IL1RAPL1: variants seen among roughly 807,000 people sequenced by gnomAD.
IL1RAPL1 encodes the protein interleukin 1 receptor accessory protein like 1.
In IL1RAPL1, 3 loss-of-function variants were observed where a neutral mutation model predicts 48.4. The observed-to-expected ratio is 0.06, with a 90% confidence interval of 0.03 to 0.16. The LOEUF (loss-of-function observed/expected upper bound fraction) is 0.16. IL1RAPL1 is among the 10% of genes least tolerant of loss of function. The pLI is 1.00. For missense variants in IL1RAPL1, 349 were observed against 530.6 expected, an observed-to-expected ratio of 0.66 and a Z score of 3.36; for synonymous variants, 185 against 187.7, an observed-to-expected ratio of 0.99 and a Z score of 0.12.
chrX:28,831,270 A>G (rs1466409551), intron 2 of IL1RAPL1, among the ~76,000 whole-genome samples: 1 of 98,309 alleles, frequency 1.0e-5, no homozygotes, highest in Non-Finnish European at 2.0e-5. Context: ...TCCTATGACC[A>G]TCTCATTTTA....
chrX:28,957,507 A>G (rs1429216916), intron 2 of IL1RAPL1, among the ~76,000 whole-genome samples: 2 of 111,701 alleles, frequency 1.8e-5, no homozygotes, highest in Admixed American at 9.5e-5. Flanking sequence ...TTATTTGCAC[A>G]TATTTTACCT....
At chrX:28,943,887 C>T (rs761188793) in intron 2 of IL1RAPL1, among the ~76,000 whole-genome samples, 1 of 110,300 alleles carries the variant, frequency 9.1e-6, no homozygotes, top group African/African-American at 3.3e-5. Context: ...GAGTTTGATT[C>T]GACATTCACC....
intron 2 of IL1RAPL1, among the ~76,000 whole-genome samples, chrX:29,165,918 C>T (rs1929778479): frequency 8.9e-6 from 1 of 112,179 alleles, no homozygotes; most frequent in African/African-American, 3.2e-5. Context: ...TTGATACCCT[C>T]TCAGTTTATT....
chrX:29,906,267 G>A (rs1249090791), intron 6 of IL1RAPL1, among the ~76,000 whole-genome samples: 4 of 102,731 alleles, frequency 3.9e-5, no homozygotes, highest in Admixed American at 1.1e-4. Context: ...CCCGGGAGGC[G>A]GAGCTTGCAG....
chrX:29,273,212 C>A (rs778972233), intron 2 of IL1RAPL1, among the ~76,000 whole-genome samples: 1 of 112,278 alleles, frequency 8.9e-6, no homozygotes, highest in African/African-American at 3.2e-5. Flanking sequence ...AACAGTCTGG[C>A]TCTTTCAGTT....
intron 2 of IL1RAPL1, among the ~76,000 whole-genome samples, chrX:29,090,135 C>G (rs1457644751): frequency 1.8e-5 from 2 of 110,152 alleles, no homozygotes; most frequent in Non-Finnish European, 3.8e-5. Flanking sequence ...TGTTTCTTCC[C>G]TACACCTATG....
intron 1 of IL1RAPL1, among the ~76,000 whole-genome samples, chrX:28,590,671 A>G (rs73205756): frequency 2.7e-5 from 3 of 111,834 alleles, no homozygotes; most frequent in Non-Finnish European, 5.6e-5. Flanking sequence ...AACTATGTGC[A>G]CAAATATAGT....
chrX:28,816,468 G>C (rs1263576109), intron 2 of IL1RAPL1, among the ~76,000 whole-genome samples: 1 of 110,356 alleles, frequency 9.1e-6, no homozygotes, highest in Admixed American at 9.7e-5. Context: ...CCAGTGTTTA[G>C]CTCCCACTTA....
intron 1 of IL1RAPL1, among the ~76,000 whole-genome samples, chrX:28,773,617 G>A (rs774748427): frequency 9.0e-6 from 1 of 111,210 alleles, no homozygotes; most frequent in East Asian, 2.8e-4. Flanking sequence ...TCTATTTAGA[G>A]TAGATGAACT....
chrX:29,814,208 A>C (rs1365109763), intron 6 of IL1RAPL1, among the ~76,000 whole-genome samples: 1 of 111,796 alleles, frequency 8.9e-6, no homozygotes, highest in Non-Finnish European at 1.9e-5. Context: ...TTTCCCACAA[A>C]CAGTATATAA....
rs756381710 is a variant in IL1RAPL1, at chrX:29,904,924, T to C, written c.779-12540T>C. Among the ~76,000 whole-genome samples, 7 of 111,941 alleles carry C rather than the reference T, an allele frequency of 6.3e-5. No homozygotes were observed. The South Asian group carries it at 2.6e-3, about 42-fold the overall frequency. On this transcript the variant is annotated intron_variant, in intron 6 of 10. Transcript: ENST00000378993. ...TGCTGGGTCAAGCGGTATTTCTGGTTCTAGATCCTTGAGGAATCGCCACAC... is the reference window on the plus strand; with the variant it reads ...TGCTGGGTCAAGCGGTATTTCTGGTCCTAGATCCTTGAGGAATCGCCACAC...
chrX:29,803,615 GTATA>G (rs1402087416), intron 6 of IL1RAPL1, among the ~76,000 whole-genome samples: 1 of 101,701 alleles, frequency 9.8e-6, no homozygotes, highest in African/African-American at 3.6e-5. Flanking sequence ...ATACACGTGT[GTATA>G]TATGTATATA....
chrX:29,594,072 G>A (rs774217457), intron 5 of IL1RAPL1, among the ~76,000 whole-genome samples: 5 of 112,671 alleles, frequency 4.4e-5, no homozygotes, highest in East Asian at 2.8e-4. Context: ...TTTAGGGTCT[G>A]ACGATTTGGA....
In IL1RAPL1 at chrX:29,380,111, CT is replaced by C. The variant is rs61115437; in HGVS notation, c.363-16133del. ...CAGAATTTTGTTCTAAAAGACCATT[CT>C]TTTTTTTTTTTTTCCTACTAGATTA... On this transcript the variant is annotated intron_variant, in intron 3 of 10. Transcript: ENST00000378993. Among the ~76,000 whole-genome samples, 378 of 98,441 alleles carry C rather than the reference CT, an allele frequency of 3.8e-3. 1 individual carries two copies. The highest frequency in any genetic ancestry group is 0.03 in the East Asian group (94 of 3,161). The allele number at this position is 98,441 out of a possible 115,157, so 85.5% of individuals were successfully genotyped here.
At chrX:29,221,584 C>T (rs936883092) in intron 2 of IL1RAPL1, among the ~76,000 whole-genome samples, 4 of 101,145 alleles carry the variant, frequency 4.0e-5, no homozygotes, top group East Asian at 3.4e-4. Flanking sequence ...CATATGTTAC[C>T]GTCATTATGC....
At chrX:29,555,452 A>G (rs757231269) in intron 5 of IL1RAPL1, among the ~76,000 whole-genome samples, 5 of 112,244 alleles carry the variant, frequency 4.5e-5, no homozygotes, top group Non-Finnish European at 9.4e-5. Context: ...AAGTTAGAAA[A>G]AATGAACAGG....
chrX:28,839,506 A>ATATTTTAAATATTTTAAAATAATTTTTAC (rs1173557658), intron 2 of IL1RAPL1, among the ~76,000 whole-genome samples: 1 of 110,413 alleles, frequency 9.1e-6, no homozygotes, highest in Non-Finnish European at 1.9e-5. Flanking sequence ...TTTTGAAATG[A>ATATTTTAAATATTTTAAAATAATTTTTAC]TATTTTAAAA....
chrX:28,895,563 A>G (rs1299393142), intron 2 of IL1RAPL1, among the ~76,000 whole-genome samples: 1 of 110,362 alleles, frequency 9.1e-6, no homozygotes, highest in East Asian at 2.9e-4. Context: ...TCAGGGAAGC[A>G]GATAATAAGG....
intron 2 of IL1RAPL1, among the ~76,000 whole-genome samples, chrX:29,015,619 A>G (rs1926224488): frequency 1.8e-5 from 2 of 111,426 alleles, no homozygotes; most frequent in South Asian, 3.8e-4. Flanking sequence ...TTCAACATAG[A>G]GCATTAGCCA....
Sources: allele counts gnomAD v4.1 joint callset (sites outside exome capture counted in the v4.1 genomes callset), GRCh38; gene constraint gnomAD v4.1.1; transcripts MANE v1.5; gene names NCBI Gene and HGNC (gene_info 2026-07-23, HGNC 2026-07-21).